The following BACE1 variants were observed in gnomAD, a reference collection of about 807,000 sequenced individuals.
BACE1 encodes the protein beta-secretase 1.
A neutral mutation model predicts 54.0 loss-of-function variants in BACE1; 21 were observed. The ratio of observed to expected loss-of-function variants is 0.39; its 90% CI spans 0.28 to 0.56. BACE1 has a LOEUF of 0.56. BACE1 is among the 20% of genes least tolerant of loss of function. The probability of loss-of-function intolerance (pLI) is 0.63; values close to 1 mark genes in which losing one functional copy is unlikely to be tolerated. For synonymous variants in BACE1, 232 were observed against 260.9 expected, an observed-to-expected ratio of 0.89 and a Z score of 1.07; for missense variants, 511 against 661.2, an observed-to-expected ratio of 0.77 and a Z score of 2.49.
chr11:117,304,183 A>G (rs933170647), intron 1 of BACE1, among the ~76,000 whole-genome samples: 28 of 152,230 alleles, frequency 1.8e-4, no homozygotes, highest in Admixed American at 3.3e-4. Flanking sequence ...GCACTTGTGC[A>G]TTGGGAATTG....
intron 1 of BACE1, among the ~76,000 whole-genome samples, chr11:117,300,003 T>C (rs891611274): frequency 1.1e-4 from 17 of 151,976 alleles, no homozygotes; most frequent in Admixed American, 1.0e-3. Flanking sequence ...AGCTTTGACC[T>C]GGGGGCTCCT....
At chr11:117,296,053 G>A (rs2034591016) in intron 2 of BACE1, among the ~76,000 whole-genome samples, 1 of 152,158 alleles carries the variant, frequency 6.6e-6, no homozygotes, top group Non-Finnish European at 1.5e-5. Flanking sequence ...GACATTAGAG[G>A]AAACAGGGAA....
At position 117,293,753 on chromosome 11, in the gene BACE1, G is replaced by A. The variant is rs1343378102; in HGVS notation, c.705+118C>T. On this transcript the variant is annotated intron_variant, in intron 4 of 8. Coordinates refer to ENST00000313005, the MANE Select transcript of BACE1 (RefSeq NM_012104.6). The surrounding 1 kb of genome is among the most constrained non-coding windows in gnomAD (Gnocchi z 4.1). ...AAGTAAGGGTAGGGAATATAAAGAG[G>A]TTCCTCCTGATTCTAAGTATCGGAG... 3 of 1,091,252 alleles carry A rather than the reference G, an allele frequency of 2.7e-6. No homozygotes were observed. Among genetic ancestry groups the A allele is most frequent in the Non-Finnish European group, 3.8e-6 (3 of 788,308 alleles). 67.6% of individuals were successfully genotyped at this position (1,091,252 alleles called of 1,614,324 possible). A position where few individuals can be genotyped will look rare whatever the true frequency, so the allele number is the denominator to read the frequency against.
At chr11:117,307,204 T>C (rs573442) in intron 1 of BACE1, among the ~76,000 whole-genome samples, 112,558 of 152,108 alleles carry the variant, frequency 0.74, 42,572 homozygotes, top group East Asian at 0.94. Context: ...AATGTTCTGG[T>C]TCCTTCCCAG....
intron 1 of BACE1, among the ~76,000 whole-genome samples, chr11:117,305,313 G>A (rs1022522923): frequency 2.6e-5 from 4 of 152,278 alleles, no homozygotes; most frequent in Admixed American, 2.0e-4. Context: ...AGTCAGCAGC[G>A]GGGAGGGGCT....
intron 1 of BACE1, among the ~76,000 whole-genome samples, chr11:117,298,887 T>C (rs28989492): frequency 0.042 from 6,380 of 152,228 alleles, 427 homozygotes; most frequent in African/African-American, 0.14. Context: ...CTCACTGCCA[T>C]CTCCGCCTCC....
In BACE1 at chr11:117,290,384, T is replaced by TA. The variant is rs1473348742; in HGVS notation, c.1264+103dup. ...GTTGACTTGGGTTTGAGGCAACTGT[T>TA]ACTACCCTCCCCTAAACTGACAGGG... is the stretch of plus-strand genomic sequence containing the variant. On this transcript the variant is annotated intron_variant, in intron 8 of 8. Coordinates refer to ENST00000313005, the MANE Select transcript of BACE1 (RefSeq NM_012104.6). The TA allele has an allele frequency of 1.2e-5, 17 of 1,419,570 alleles. 1 individual carries two copies. The Admixed American group carries it at 3.0e-4, about 25-fold the overall frequency. The allele number at this position is 1,419,570 out of a possible 1,614,324, so 87.9% of individuals were successfully genotyped here.
Position 117,293,069 on chromosome 11 carries a change from T to G in BACE1, c.825A>C (p.Lys275Asn). The stretch of plus-strand genomic sequence containing the variant: ...GTTTTCTTACCTCCTTGCAGTCCAT[T>G]TTCAGATCCTGTCCATTGATCTCCA... ...VRVEINGQDL[K>N]MDCKEYNYDK... Residue 275 changes from lysine to asparagine, a missense_variant, in exon 5 of 9, where the codon AAA (lysine) becomes AAC (asparagine). Coordinates refer to ENST00000313005, the MANE Select transcript of BACE1 (RefSeq NM_012104.6). The surrounding 1 kb of genome is among the most constrained non-coding windows in gnomAD (Gnocchi z 4.1). 6.2e-7 allele frequency: 1 copy of G among 1,613,994 alleles called. No individual in the cohort carries two copies. Among genetic ancestry groups the G allele is most frequent in the Admixed American group, 1.7e-5 (1 of 60,006 alleles).
chr11:117,313,391 C>T (rs2034998969), intron 1 of BACE1, among the ~76,000 whole-genome samples: 1 of 152,178 alleles, frequency 6.6e-6, no homozygotes, highest in African/African-American at 2.4e-5. Flanking sequence ...TGCATTATTT[C>T]AGGGGATCAG....
chr11:117,289,275 T>C lies in BACE1; in HGVS notation c.*291A>G. On this transcript the variant is annotated 3_prime_UTR_variant, in exon 9 of 9. Coordinates refer to ENST00000313005, the MANE Select transcript of BACE1 (RefSeq NM_012104.6). ...AATTTAAAGGAATGGTGGACAAAGG[T>C]TCAGGGCTGAAGTTTCAAGCAGCAG... 2.6e-6 allele frequency: 1 copy of C among 377,996 alleles called. No homozygotes were observed. Among genetic ancestry groups the C allele is most frequent in the Middle Eastern group, 7.8e-4 (1 of 1,286 alleles). 23.4% of individuals were successfully genotyped at this position (377,996 alleles called of 1,614,324 possible). A position where few individuals can be genotyped will look rare whatever the true frequency, so the allele number is the denominator to read the frequency against.
At chr11:117,299,164 CCA>C (rs1413308386) in intron 1 of BACE1, among the ~76,000 whole-genome samples, 1 of 152,220 alleles carries the variant, frequency 6.6e-6, no homozygotes, top group South Asian at 2.1e-4. Context: ...TTCAGTCAGA[CCA>C]GAGCCATTTT....
intron 7 of BACE1, 105 bp downstream of exon 7, chr11:117,290,795 A>G: frequency 1.3e-6 from 2 of 1,549,666 alleles, no homozygotes; most frequent in Non-Finnish European, 1.8e-6. Context: ...ACTGCTGGAC[A>G]CTACTCATCT....
chr11:117,312,891 G>A (rs1428136671), intron 1 of BACE1, among the ~76,000 whole-genome samples: 2 of 152,146 alleles, frequency 1.3e-5, no homozygotes, highest in African/African-American at 2.4e-5. Context: ...TGCCGACCTC[G>A]CTTTGAGTAT....
intron 3 of BACE1, 131 bp downstream of exon 3, chr11:117,295,000 A>G (rs2034559949): frequency 2.1e-6 from 2 of 940,990 alleles, no homozygotes; most frequent in Non-Finnish European, 1.6e-6. Context: ...CTGCCACCCT[A>G]TACCCCTGTT....
At chr11:117,300,215 C>T (rs1223779214) in intron 1 of BACE1, among the ~76,000 whole-genome samples, 1 of 152,166 alleles carries the variant, frequency 6.6e-6, no homozygotes, top group Non-Finnish European at 1.5e-5. Context: ...CTCTCACCCA[C>T]CCCAATACTA....
At chr11:117,302,194 G>A (rs1362178623) in intron 1 of BACE1, among the ~76,000 whole-genome samples, 2 of 152,130 alleles carry the variant, frequency 1.3e-5, no homozygotes, top group African/African-American at 4.8e-5. Flanking sequence ...TTAGCTGGGT[G>A]TGGTGGCAGG....
chr11:117,302,333 AAAAACAAAAC>A (rs533088595), intron 1 of BACE1, among the ~76,000 whole-genome samples: 62 of 149,066 alleles, frequency 4.2e-4, no homozygotes, highest in Middle Eastern at 3.4e-3. Flanking sequence ...ATTCTGTCTC[AAAAACAAAAC>A]AAAACAAAAC....
intron 1 of BACE1, among the ~76,000 whole-genome samples, chr11:117,306,326 T>C (rs1047617626): frequency 2.0e-5 from 3 of 152,196 alleles, no homozygotes; most frequent in Non-Finnish European, 4.4e-5. Flanking sequence ...CTTCCTGTTA[T>C]TTAACCTTGT....
intron 5 of BACE1, chr11:117,292,710 G>T: frequency 4.9e-6 from 1 of 202,922 alleles, no homozygotes. Context: ...GTACAAATCA[G>T]AGCTAGATTC....
Sources: gnomAD v4.1 joint callset for allele counts (sites outside exome capture counted in the v4.1 genomes callset) on GRCh38, gnomAD v4.1.1 for gene constraint, Gnocchi (gnomAD v3.1) non-coding constraint, MANE v1.5 for transcripts, NCBI Gene and HGNC (gene_info 2026-07-23, HGNC 2026-07-21) for gene names.